The following ADGRL2 variants were observed in gnomAD, a reference collection of about 807,000 sequenced individuals.
The protein encoded by ADGRL2 is calcium-independent alpha-latrotoxin receptor 2.
ADGRL2 carries 44 observed loss-of-function variants against 157.4 expected under a neutral mutation model. The ratio of observed to expected loss-of-function variants is 0.28; its 90% CI spans 0.22 to 0.36. ADGRL2 has a LOEUF of 0.36. ADGRL2 is among the 10% of genes least tolerant of loss of function. The probability of loss-of-function intolerance (pLI) is 1.00; values close to 1 mark genes in which losing one functional copy is unlikely to be tolerated. For synonymous variants in ADGRL2, 585 were observed against 624.7 expected, an observed-to-expected ratio of 0.94 and a Z score of 0.95; for missense variants, 1,510 against 1,768.9, an observed-to-expected ratio of 0.85 and a Z score of 2.63.
At chr1:81,946,094 A>G (rs1156850941) in intron 6 of ADGRL2, among the ~76,000 whole-genome samples, 2 of 152,194 alleles carry the variant, frequency 1.3e-5, no homozygotes, top group East Asian at 1.9e-4. Context: ...TTTGCCTGTC[A>G]TAAAGTAGTG....
chr1:81,559,095 C>T (rs1450616023), intron 2 of ADGRL2, among the ~76,000 whole-genome samples: 3 of 152,138 alleles, frequency 2.0e-5, no homozygotes, highest in Admixed American at 2.0e-4. Context: ...ATTTGGTCAT[C>T]TTCCCACCAT....
chr1:81,756,083 A>G (rs928793757), intron 1 of ADGRL2, among the ~76,000 whole-genome samples: 40 of 152,302 alleles, frequency 2.6e-4, no homozygotes, highest in African/African-American at 9.4e-4. Flanking sequence ...AGTCTTATCA[A>G]GAAGAATTAA....
At chr1:81,397,740 A>C (rs1279993026) in intron 1 of ADGRL2, among the ~76,000 whole-genome samples, 1 of 152,198 alleles carries the variant, frequency 6.6e-6, no homozygotes, top group Non-Finnish European at 1.5e-5. Context: ...CATGTGGTCT[A>C]TGCTGAAGAA....
intron 2 of ADGRL2, among the ~76,000 whole-genome samples, chr1:81,484,650 C>A (rs796852924): frequency 3.3e-5 from 5 of 152,206 alleles, no homozygotes; most frequent in African/African-American, 1.2e-4. Flanking sequence ...GTGTAGGCAG[C>A]ATTTTAGTCC....
intron 11 of ADGRL2, among the ~76,000 whole-genome samples, chr1:81,965,380 G>A (rs1194444683): frequency 1.3e-5 from 2 of 152,170 alleles, no homozygotes; most frequent in African/African-American, 2.4e-5. Flanking sequence ...GGCTTGGCCT[G>A]CAGGTTCTAT....
At chr1:81,677,074 C>G (rs1557558092) in intron 3 of ADGRL2, among the ~76,000 whole-genome samples, 1 of 151,942 alleles carries the variant, frequency 6.6e-6, no homozygotes, top group East Asian at 1.9e-4. Flanking sequence ...GCAACTCTGC[C>G]TCCCGGTTTC....
chr1:81,635,784 C>G (rs1484308419), intron 3 of ADGRL2, among the ~76,000 whole-genome samples: 3 of 152,190 alleles, frequency 2.0e-5, no homozygotes, highest in Admixed American at 2.0e-4. Context: ...ATTCACACCA[C>G]AGCAGTGGGC....
chr1:81,784,727 C>CA (rs375897514), intron 2 of ADGRL2, among the ~76,000 whole-genome samples: 44,570 of 110,160 alleles, frequency 0.4, 8,987 homozygotes, highest in East Asian at 0.86. Context: ...GACCCCGTCT[C>CA]AAAAAAAAAA....
chr1:81,895,481 C>T (rs2094365226), intron 2 of ADGRL2, among the ~76,000 whole-genome samples: 1 of 145,944 alleles, frequency 6.9e-6, no homozygotes, highest in Non-Finnish European at 1.5e-5. Flanking sequence ...TCACTACAAC[C>T]TCCGCCACCT....
chr1:81,571,390 T>C (rs552714079), intron 2 of ADGRL2, among the ~76,000 whole-genome samples: 1 of 147,476 alleles, frequency 6.8e-6, no homozygotes, highest in African/African-American at 2.5e-5. Context: ...TGTATATATA[T>C]GTGTATGTAT....
chr1:81,629,574 T>C (rs2081971710), intron 3 of ADGRL2, among the ~76,000 whole-genome samples: 1 of 152,182 alleles, frequency 6.6e-6, no homozygotes, highest in South Asian at 2.1e-4. Context: ...GTTAATTCCA[T>C]ATGCACTACT....
chr1:81,512,361 G>T (rs1331871521), intron 2 of ADGRL2, among the ~76,000 whole-genome samples: 2 of 152,200 alleles, frequency 1.3e-5, no homozygotes, highest in Non-Finnish European at 2.9e-5. Flanking sequence ...CTGTGTCGGA[G>T]CAGGGACAAT....
chr1:81,317,518 G>A (rs571445182), intron 1 of ADGRL2, among the ~76,000 whole-genome samples: 1 of 152,242 alleles, frequency 6.6e-6, no homozygotes, highest in South Asian at 2.1e-4. Context: ...TGTTTTGAGA[G>A]TTGTATGTTG....
chr1:81,965,639 G>A (rs2149270884), intron 11 of ADGRL2, among the ~76,000 whole-genome samples: 1 of 152,220 alleles, frequency 6.6e-6, no homozygotes, highest in African/African-American at 2.4e-5. Context: ...TTTTACCACT[G>A]CCAAGTAATG....
chr1:81,713,545 A>G (rs1026692603), intron 1 of ADGRL2, among the ~76,000 whole-genome samples: 1 of 152,214 alleles, frequency 6.6e-6, no homozygotes, highest in African/African-American at 2.4e-5. Context: ...AGTATCGACC[A>G]TGTGCTGAGC....
intron 19 of ADGRL2, 38 bp from the exon 20 acceptor site, chr1:81,984,545 T>C (rs770714611): frequency 4.7e-6 from 7 of 1,504,592 alleles, no homozygotes; most frequent in Admixed American, 3.7e-5. Context: ...AGCAAGTGTG[T>C]TATATTAATC....
intron 2 of ADGRL2, among the ~76,000 whole-genome samples, chr1:81,905,723 A>G (rs1016764286): frequency 2.6e-5 from 4 of 152,252 alleles, no homozygotes; most frequent in African/African-American, 9.6e-5. Context: ...GTTTTATTAT[A>G]GAATTGTAAT....
chr1:81,617,034 A>G (rs112303694), intron 3 of ADGRL2, among the ~76,000 whole-genome samples: 2,611 of 152,300 alleles, frequency 0.017, 73 homozygotes, highest in African/African-American at 0.057. Context: ...TTCATTGAAC[A>G]TCAGTCTATA....
rs577837607 is a variant in ADGRL2 at position 81,462,652 on chromosome 1, C to T, written c.-248+17563C>T. 1.7e-4 allele frequency among the ~76,000 whole-genome samples: 26 copies of T among 152,304 alleles called. No individual in the cohort carries two copies. The South Asian group carries it at 5.4e-3, about 32-fold the overall frequency. On this transcript the variant is annotated intron_variant, in intron 2 of 24. Coordinates refer to the ADGRL2 transcript ENST00000370721. The stretch of plus-strand genomic sequence containing the variant: ...GTTACTTGGCCCTTGTTCTCATTAA[C>T]ATCTTGCTCCTCAGATTTTCCAAGT...
Sources: gnomAD v4.1 joint callset for allele counts (sites outside exome capture counted in the v4.1 genomes callset) on GRCh38, gnomAD v4.1.1 for gene constraint, MANE v1.5 for transcripts, NCBI Gene and HGNC (gene_info 2026-07-23, HGNC 2026-07-21) for gene names.